Variants in MDN1 observed in about 807,000 individuals in gnomAD.
MDN1 encodes midasin AAA ATPase 1.
In MDN1, 266 loss-of-function variants were observed where a neutral mutation model predicts 669.2. The observed-to-expected ratio is 0.40, with a 90% CI of 0.36 to 0.44. The LOEUF (loss-of-function observed/expected upper bound fraction) is 0.44, where lower values mean the gene tolerates loss of function less well. Among genes scored for constraint, MDN1 ranks in the 20% least tolerant of loss-of-function variants. The pLI is 1.00. For missense variants in MDN1, 5,940 were observed against 6,754.0 expected (o/e 0.88, Z 4.22); for synonymous variants, 2,385 against 2,457.1 (o/e 0.97, Z 0.87).
intron 1 of MDN1, among the ~76,000 whole-genome samples, chr6:89,812,942 A>ATT (rs201857636): frequency 1.4e-5 from 2 of 144,258 alleles, no homozygotes. Flanking sequence ...CTCTACAAAA[A>ATT]TTTTTTTTTT....
intron 64 of MDN1, 46 bp from the exon 65 acceptor site, chr6:89,690,189 ACTT>A: frequency 6.4e-7 from 1 of 1,574,310 alleles, no homozygotes. Flanking sequence ...ATCAGAATCT[ACTT>A]CTAATCAGAC....
intron 52 of MDN1, among the ~76,000 whole-genome samples, chr6:89,706,595 G>A (rs1813531812): frequency 6.6e-6 from 1 of 152,076 alleles, no homozygotes; most frequent in Non-Finnish European, 1.5e-5. Flanking sequence ...CATCATGTCA[G>A]TGCTCAAAAA....
Position 89,663,302 on chromosome 6 carries a change from A to G in MDN1, c.14237-335T>C, listed in dbSNP as rs548054101. ...ATGTCTGAAATGATGGGGTTGGACT[A>G]GGTGGTTTCCATGGGTCCTCCCCAT... On this transcript the variant is annotated intron_variant, in intron 85 of 101. Coordinates refer to ENST00000369393, the MANE Select transcript of MDN1 (RefSeq NM_014611.3). Among the ~76,000 whole-genome samples the G allele has an allele frequency of 2.6e-5, 4 of 152,290 alleles. No homozygotes were observed. In the South Asian group the frequency reaches 8.3e-4, roughly 32 times the overall value.
intron 5 of MDN1, among the ~76,000 whole-genome samples, chr6:89,792,884 T>A (rs1819355853): frequency 6.6e-6 from 1 of 151,854 alleles, no homozygotes; most frequent in Admixed American, 6.6e-5. Context: ...CCAGGCATGG[T>A]GGCAGGCACC....
chr6:89,653,526 A>G (rs1036033199), intron 93 of MDN1, among the ~76,000 whole-genome samples: 4 of 152,252 alleles, frequency 2.6e-5, no homozygotes, highest in African/African-American at 9.6e-5. Context: ...AAACAGGCAA[A>G]GAAAAGATCA....
intron 44 of MDN1, 138 bp downstream of exon 44, chr6:89,716,512 A>T: frequency 1.2e-6 from 1 of 847,724 alleles, no homozygotes; most frequent in Non-Finnish European, 1.7e-6. Flanking sequence ...GGAGAAGTCT[A>T]CAGAATATGG....
At position 89,758,953 on chromosome 6, in the gene MDN1, A is replaced by C; in HGVS notation, c.2468T>G (p.Leu823Ter). 1 of 1,613,274 alleles carries C rather than the reference A, an allele frequency of 6.2e-7. No individual in the cohort carries two copies. The highest frequency in any genetic ancestry group is 1.1e-5 in the South Asian group (1 of 91,046). ...CTCTCCTTTCTTTACAGCCTGAGCT[A>C]ATGTACCCTAGAAAAAGATAAAATA... is the stretch of plus-strand genomic sequence containing the variant. ...TLLFAFVEGT[L>*]AQAVKKGEWI... Residue 823 changes from leucine (L) to a stop codon, truncating the protein, a stop_gained, in exon 18 of 102, where the codon TTA (leucine) becomes TGA (stop). Transcript: ENST00000369393. LOFTEE classifies it high-confidence loss of function.
intron 90 of MDN1, among the ~76,000 whole-genome samples, chr6:89,657,581 C>G (rs1809407056): frequency 6.6e-6 from 1 of 152,216 alleles, no homozygotes; most frequent in Admixed American, 6.5e-5. Context: ...AGTCTAAATT[C>G]CATGTTTCCT....
Position 89,718,479 on chromosome 6 carries a change from T to C in MDN1, c.6470A>G (p.Lys2157Arg). The C allele has an allele frequency of 6.2e-7, 1 of 1,614,154 alleles. No homozygotes were observed. The highest frequency in any genetic ancestry group is 8.5e-7 in the Non-Finnish European group (1 of 1,180,020). ...AGCTTTACCACCTTCTCCAAGACAC[T>C]TAGGCTTATATGTCAGAAGAAAATG... ...WSHFLLTYKP[K>R]CLGEGGKAIT... Residue 2157 changes from lysine to arginine, a missense_variant, in exon 43 of 102, where the codon AAG becomes AGG. This residue lies in a region of MDN1 where 2,292 missense variants were observed against 2,638.3 expected (regional missense o/e 0.87). Coordinates refer to ENST00000369393, the MANE Select transcript of MDN1 (RefSeq NM_014611.3).
At chr6:89,705,645 A>G (rs1813465318) in intron 53 of MDN1, among the ~76,000 whole-genome samples, 1 of 152,246 alleles carries the variant, frequency 6.6e-6, no homozygotes, top group Non-Finnish European at 1.5e-5. Flanking sequence ...TAAACAAAAA[A>G]GTATATATAC....
At chr6:89,720,788 C>T (rs947401995) in intron 40 of MDN1, among the ~76,000 whole-genome samples, 4 of 152,168 alleles carry the variant, frequency 2.6e-5, no homozygotes, top group Admixed American at 6.5e-5. Context: ...AAGTCACCTA[C>T]GTATGATAAA....
intron 27 of MDN1, among the ~76,000 whole-genome samples, chr6:89,746,915 C>T (rs1228963519): frequency 2.6e-5 from 4 of 152,158 alleles, no homozygotes; most frequent in Admixed American, 2.6e-4. Flanking sequence ...AAACCTGAGT[C>T]TCAGGTTATA....
chr6:89,757,985 T>C (rs991485613), intron 19 of MDN1, among the ~76,000 whole-genome samples: 2 of 151,888 alleles, frequency 1.3e-5, no homozygotes, highest in African/African-American at 2.4e-5. Flanking sequence ...GAGGTGGAGG[T>C]TGTGGTGAGC....
intron 52 of MDN1, 71 bp downstream of exon 52, chr6:89,707,290 T>A: frequency 9.3e-7 from 1 of 1,079,426 alleles, no homozygotes; most frequent in Non-Finnish European, 1.4e-6. Flanking sequence ...CTGCTGAATA[T>A]GCCTCTCAAC....
At chr6:89,784,322 AT>A (rs942285463) in intron 9 of MDN1, among the ~76,000 whole-genome samples, 2 of 152,182 alleles carry the variant, frequency 1.3e-5, no homozygotes, top group African/African-American at 2.4e-5. Context: ...TTAAAAAAAA[AT>A]AAAATAAAAT....
chr6:89,743,499 C>T, intron 30 of MDN1, 77 bp downstream of exon 30: 4 of 1,521,164 alleles, frequency 2.6e-6, no homozygotes, highest in South Asian at 2.5e-5. Context: ...AACCCAGCTC[C>T]AGAAACCCCA....
chr6:89,795,932 G>C (rs1819568517), intron 2 of MDN1, among the ~76,000 whole-genome samples: 1 of 152,134 alleles, frequency 6.6e-6, no homozygotes, highest in Non-Finnish European at 1.5e-5. Context: ...TCAGGCCTGG[G>C]CGACACAGTG....
At chr6:89,788,848 G>T (rs1193353207) in intron 7 of MDN1, among the ~76,000 whole-genome samples, 1 of 152,170 alleles carries the variant, frequency 6.6e-6, no homozygotes, top group African/African-American at 2.4e-5. Flanking sequence ...AAGGAAGGCC[G>T]GGCGCGGTGG....
chr6:89,819,536 G>A lies in MDN1; in HGVS notation c.72C>T (p.Arg24=). 1 of 1,605,890 alleles carries A rather than the reference G, an allele frequency of 6.2e-7. No homozygotes were observed. Among genetic ancestry groups the A allele is most frequent in the Non-Finnish European group, 8.5e-7 (1 of 1,179,968 alleles). ...RLIAAKNEKS[R]SELGRFLAKQ... ...TGGCCAAGAACCTGCCCAACTCACT[G>A]CGGCTCTTCTCGTTCTTGGCTGCGA... Residue 24 remains arginine, a synonymous_variant, in exon 1 of 102, where the codon CGC becomes CGT. Transcript: ENST00000369393.
Sources: allele counts gnomAD v4.1 joint callset (sites outside exome capture counted in the v4.1 genomes callset), GRCh38; gene constraint gnomAD v4.1.1; regional missense constraint gnomAD v4.1.1; transcripts MANE v1.5; gene names NCBI Gene and HGNC (gene_info 2026-07-23, HGNC 2026-07-21).